The following TTC29 variants were observed in gnomAD, a reference collection of about 807,000 sequenced individuals.
TTC29 encodes tetratricopeptide repeat domain 29.
Under a neutral mutation model 58.1 loss-of-function variants are expected in TTC29, and 49 were observed. The observed-to-expected ratio is 0.84, with a 90% CI of 0.67 to 1.07. The LOEUF (loss-of-function observed/expected upper bound fraction) is 1.07. Among genes scored for constraint, TTC29 ranks in the 50% least tolerant of loss-of-function variants. The probability of loss-of-function intolerance (pLI) is 0.00; values close to 1 mark genes in which losing one functional copy is unlikely to be tolerated. For synonymous variants in TTC29, 209 were observed against 196.8 expected, an observed-to-expected ratio of 1.06 and a Z score of -0.52; for missense variants, 582 against 555.6, an observed-to-expected ratio of 1.05 and a Z score of -0.48.
chr4:146,890,708 C>T lies in TTC29; in HGVS notation c.586+12836G>A, dbSNP rs145848048. Among the ~76,000 whole-genome samples the T allele has an allele frequency of 2.0e-4, 31 of 152,326 alleles. No homozygotes were observed. In the East Asian group the frequency reaches 5.0e-3, roughly 25 times the overall value. ...CAGATGGCTGAATATTCCCCTCACA[C>T]ATAGAGGGCCTGGGCTTTGTGGGGT... On this transcript the variant is annotated intron_variant, in intron 6 of 12. Transcript: ENST00000325106.
chr4:146,824,995 C>T (rs879110780), intron 9 of TTC29, among the ~76,000 whole-genome samples: 1 of 151,848 alleles, frequency 6.6e-6, no homozygotes, highest in African/African-American at 2.4e-5. Context: ...TCTCTCTCTT[C>T]TTCTATATTA....
intron 10 of TTC29, among the ~76,000 whole-genome samples, chr4:146,813,330 C>T (rs1751153904): frequency 6.6e-6 from 1 of 152,146 alleles, no homozygotes; most frequent in Non-Finnish European, 1.5e-5. Flanking sequence ...TCCTCTGAAA[C>T]ATTCTCATTT....
At position 146,853,852 on chromosome 4, in the gene TTC29, T is replaced by C. The variant is rs570460750; in HGVS notation, c.885+13646A>G. 3.4e-3 allele frequency among the ~76,000 whole-genome samples: 517 copies of C among 152,244 alleles called. 8 individuals carry two copies. The highest frequency in any genetic ancestry group is 4.1e-3 in the Admixed American group (62 of 15,286). On this transcript the variant is annotated intron_variant, in intron 8 of 12. Coordinates refer to ENST00000325106, the MANE Select transcript of TTC29 (RefSeq NM_031956.4). Reference sequence around the variant, plus strand: ...AAAGGAAGCCTACAAGCTAAGTGACTTGCATTCTGTCAGTGACTTGCACTG... The same window carrying C: ...AAAGGAAGCCTACAAGCTAAGTGACCTGCATTCTGTCAGTGACTTGCACTG...
chr4:146,918,270 A>G (rs1203752753), intron 4 of TTC29, among the ~76,000 whole-genome samples: 1 of 151,012 alleles, frequency 6.6e-6, no homozygotes, highest in East Asian at 1.9e-4. Context: ...TTTATTTTTT[A>G]AGAAAAAAAC....
intron 11 of TTC29, among the ~76,000 whole-genome samples, chr4:146,780,915 G>T (rs1330801804): frequency 6.6e-6 from 1 of 151,980 alleles, no homozygotes; most frequent in Non-Finnish European, 1.5e-5. Flanking sequence ...ACCTGCATGA[G>T]TCTCACAAAT....
At chr4:146,725,349 C>T (rs1319826724) in intron 11 of TTC29, among the ~76,000 whole-genome samples, 1 of 151,940 alleles carries the variant, frequency 6.6e-6, no homozygotes, top group Non-Finnish European at 1.5e-5. Flanking sequence ...GGCTGGGCAA[C>T]ATAGTGAGAC....
intron 9 of TTC29, among the ~76,000 whole-genome samples, chr4:146,821,902 A>G (rs888222385): frequency 7.9e-5 from 12 of 151,420 alleles, no homozygotes; most frequent in Non-Finnish European, 1.3e-4. Flanking sequence ...CATGGGATCA[A>G]TTGTGACAGG....
chr4:146,943,574 T>G (rs60507236), intron 2 of TTC29, among the ~76,000 whole-genome samples: 15,347 of 152,228 alleles, frequency 0.1, 1,600 homozygotes, highest in African/African-American at 0.27. Context: ...ATCGGGAAAG[T>G]GAATTTTGTT....
chr4:146,944,257 T>A (rs907512494), intron 2 of TTC29: 13 of 152,198 alleles, frequency 8.5e-5, no homozygotes, highest in African/African-American at 3.1e-4. Context: ...CCTGAAGCCA[T>A]TCCACTGTTG....
At chr4:146,807,909 TAACAA>T (rs1750725400) in intron 10 of TTC29, among the ~76,000 whole-genome samples, 2 of 152,080 alleles carry the variant, frequency 1.3e-5, no homozygotes, top group African/African-American at 4.8e-5. Context: ...ATCATCCTGA[TAACAA>T]AACCTGGTAG....
intron 9 of TTC29, among the ~76,000 whole-genome samples, chr4:146,821,675 A>G (rs1046809591): frequency 6.6e-6 from 1 of 152,236 alleles, no homozygotes; most frequent in Admixed American, 6.5e-5. Flanking sequence ...TGCTGCACAC[A>G]TGAAAGCTAA....
chr4:146,895,965 A>C (rs1310353801), intron 6 of TTC29, among the ~76,000 whole-genome samples: 2 of 152,168 alleles, frequency 1.3e-5, no homozygotes, highest in African/African-American at 4.8e-5. Context: ...GAAGTAATCA[A>C]CATTACTGTA....
intron 8 of TTC29, among the ~76,000 whole-genome samples, chr4:146,841,913 T>C (rs1239376568): frequency 3.3e-5 from 5 of 152,102 alleles, no homozygotes; most frequent in African/African-American, 1.2e-4. Flanking sequence ...AGATTAGGTA[T>C]GTAAAAGTAC....
intron 4 of TTC29, among the ~76,000 whole-genome samples, chr4:146,933,293 C>G (rs961124572): frequency 1.3e-5 from 2 of 152,154 alleles, no homozygotes; most frequent in Non-Finnish European, 2.9e-5. Context: ...ATATCTGAAG[C>G]AGAAAATAAT....
chr4:146,925,312 T>C (rs775270730), intron 4 of TTC29, among the ~76,000 whole-genome samples: 3 of 152,054 alleles, frequency 2.0e-5, no homozygotes, highest in Non-Finnish European at 2.9e-5. Flanking sequence ...CAACAAAAAT[T>C]ATGGGTTTTT....
Position 146,902,714 on chromosome 4 carries a change from C to T in TTC29, c.586+830G>A, listed in dbSNP as rs554727087. Among the ~76,000 whole-genome samples the T allele has an allele frequency of 1.7e-3, 264 of 152,140 alleles. 1 individual carries two copies. The highest frequency in any genetic ancestry group is 2.2e-3 in the Non-Finnish European group (153 of 68,028). Reference sequence around the variant, plus strand: ...TTTCTAATACTCCCTATGTCTAGCACGCATGGTGGCTTCTGACAATGTTCA... The same window carrying T: ...TTTCTAATACTCCCTATGTCTAGCATGCATGGTGGCTTCTGACAATGTTCA... On this transcript the variant is annotated intron_variant, in intron 6 of 12. Coordinates refer to ENST00000325106, the MANE Select transcript of TTC29 (RefSeq NM_031956.4).
chr4:146,811,683 C>T (rs1401995629), intron 10 of TTC29, among the ~76,000 whole-genome samples: 1 of 152,182 alleles, frequency 6.6e-6, no homozygotes, highest in Middle Eastern at 3.2e-3. Context: ...TATACCATTA[C>T]AGCAAGTAGA....
At position 146,811,483 on chromosome 4, in the gene TTC29, C is replaced by T. The variant is rs575192117; in HGVS notation, c.1102-7798G>A. ...CTTCACTGACTTCTAACCCTTTAGG[C>T]TCCACCATCTCCTCCCTTCCACTCA... is the stretch of plus-strand genomic sequence containing the variant. On this transcript the variant is annotated intron_variant, in intron 10 of 12. Coordinates refer to ENST00000325106, the MANE Select transcript of TTC29 (RefSeq NM_031956.4). Among the ~76,000 whole-genome samples, 5 of 152,200 alleles carry T rather than the reference C, an allele frequency of 3.3e-5. No individual in the cohort carries two copies. The South Asian group carries it at 6.2e-4, about 19-fold the overall frequency.
chr4:146,786,201 C>T (rs1186648365), intron 11 of TTC29, among the ~76,000 whole-genome samples: 1 of 152,208 alleles, frequency 6.6e-6, no homozygotes, highest in Non-Finnish European at 1.5e-5. Context: ...TCGTCTTTCT[C>T]TTCCTCCAGG....
Sources: gnomAD v4.1 joint callset for allele counts (sites outside exome capture counted in the v4.1 genomes callset) on GRCh38, gnomAD v4.1.1 for gene constraint, MANE v1.5 for transcripts, NCBI Gene and HGNC (gene_info 2026-07-23, HGNC 2026-07-21) for gene names.